Variants in CDHR1 observed in about 807,000 individuals in gnomAD.
CDHR1 encodes cadherin-related family member 1.
CDHR1 carries 61 observed loss-of-function variants against 72.1 expected under a neutral mutation model. That is an observed-to-expected ratio of 0.85 (90% confidence interval 0.69 to 1.05). CDHR1 has a LOEUF of 1.05. CDHR1 is among the 50% of genes least tolerant of loss of function. The pLI is 0.00. For synonymous variants in CDHR1, 470 were observed against 448.1 expected (o/e 1.05, Z -0.62); for missense variants, 1,186 against 1,115.7 (o/e 1.06, Z -0.90).
rs1842459511 is a variant in CDHR1, at chr10:84,218,361, C to T, written c.*3740C>T. On this transcript the variant is annotated 3_prime_UTR_variant, in exon 17 of 17. Coordinates refer to ENST00000623527, the MANE Select transcript of CDHR1 (RefSeq NM_033100.4). ...CGGTTTGATGTTATAAAATCGTGCA[C>T]ATGTACCCCTTTTGAGGCCTGAATG... The T allele has an allele frequency of 4.1e-6, 4 of 985,312 alleles. No homozygotes were observed. The highest frequency in any genetic ancestry group is 1.2e-4 in the Admixed American group (2 of 16,270). The allele number at this position is 985,312 out of a possible 1,614,324, so 61.0% of individuals were successfully genotyped here.
intron 12 of CDHR1, among the ~76,000 whole-genome samples, chr10:84,209,269 A>C (rs1309398586): frequency 6.6e-6 from 1 of 152,228 alleles, no homozygotes; most frequent in African/African-American, 2.4e-5. Context: ...TATCATTTGT[A>C]ATTATGTAAA....
At position 84,216,895 on chromosome 10, in the gene CDHR1, A is replaced by G; in HGVS notation, c.*2274A>G. 7.1e-6 allele frequency: 7 copies of G among 985,486 alleles called. No individual in the cohort carries two copies. The highest frequency in any genetic ancestry group is 8.4e-6 in the Non-Finnish European group (7 of 829,960). The allele number at this position is 985,486 out of a possible 1,614,324, so 61.0% of individuals were successfully genotyped here. Reference sequence around the variant, plus strand: ...CCTAGGGTGGGCATGAAAGCTTGGGAAGCACTGTCGTCTCTCAGACAGGCG... The same window carrying G: ...CCTAGGGTGGGCATGAAAGCTTGGGGAGCACTGTCGTCTCTCAGACAGGCG... On this transcript the variant is annotated 3_prime_UTR_variant, in exon 17 of 17. Transcript: ENST00000623527.
chr10:84,203,013 G>C lies in CDHR1; in HGVS notation c.673G>C (p.Val225Leu), dbSNP rs1413854773. 11 of 1,614,086 alleles carry C rather than the reference G, an allele frequency of 6.8e-6. No homozygotes were observed. The South Asian group carries it at 1.1e-4, about 16-fold the overall frequency. ...GGGRLHGADVVFSATTTVTVN... is the reference protein window; with the variant it reads ...GGGRLHGADVLFSATTTVTVN... The stretch of plus-strand genomic sequence containing the variant: ...TGGGAGGCTTCATGGGGCTGATGTG[G>C]TGTTCTCAGCCACCACCACGGTCAC... The change falls in exon 8 of 17, where the codon GTG becomes CTG. Residue 225 changes from valine to leucine, a missense_variant. Val to Leu is a conservative substitution (Grantham distance 32, BLOSUM62 1). Transcript: ENST00000623527.
At chr10:84,210,835 C>T (rs1046152944) in intron 12 of CDHR1, among the ~76,000 whole-genome samples, 166 bp from the exon 13 acceptor site, 20 of 152,130 alleles carry the variant, frequency 1.3e-4, no homozygotes, top group African/African-American at 4.8e-4. Flanking sequence ...GGGGAAGATG[C>T]CAGGCCTTAG....
Position 84,194,552 on chromosome 10 carries a change from C to A in CDHR1, c.-209C>A, listed in dbSNP as rs1227638495. 1 of 456,400 alleles carries A rather than the reference C, an allele frequency of 2.2e-6. No homozygotes were observed. Among genetic ancestry groups the A allele is most frequent in the East Asian group, 3.8e-5 (1 of 26,582 alleles). The allele number at this position is 456,400 out of a possible 1,614,324, so 28.3% of individuals were successfully genotyped here. On this transcript the variant is annotated 5_prime_UTR_variant, in exon 1 of 17. Coordinates refer to ENST00000623527, the MANE Select transcript of CDHR1 (RefSeq NM_033100.4). ...GCTCTGCGCCGCTAATTGGTCTCGT[C>A]AGGCGGCCGGCAGGAGCAGATCCGA...
At chr10:84,204,646 T>A in intron 9 of CDHR1, 41 bp downstream of exon 9, 1 of 1,392,042 alleles carries the variant, frequency 7.2e-7, no homozygotes, top group South Asian at 1.2e-5. Flanking sequence ...TTTGACTCTC[T>A]AGGTGACCAG....
At chr10:84,211,794 G>A in intron 14 of CDHR1, 79 bp downstream of exon 14, 2 of 1,237,120 alleles carry the variant, frequency 1.6e-6, no homozygotes, top group South Asian at 1.2e-5. Flanking sequence ...CTGTGGCAGA[G>A]GCAGGAGGGG....
chr10:84,194,921 G>C, intron 1 of CDHR1, 106 bp downstream of exon 1: 1 of 1,091,862 alleles, frequency 9.2e-7, no homozygotes, highest in Non-Finnish European at 1.3e-6. Flanking sequence ...TTCCAGAGTG[G>C]GACTCGGGCT....
At position 84,217,755 on chromosome 10, in the gene CDHR1, T is replaced by C. The variant is rs1202916363; in HGVS notation, c.*3134T>C. On this transcript the variant is annotated 3_prime_UTR_variant, in exon 17 of 17. Coordinates refer to ENST00000623527, the MANE Select transcript of CDHR1 (RefSeq NM_033100.4). The stretch of plus-strand genomic sequence containing the variant: ...TGTAGGTCCAGAAGCTTTTACTTCA[T>C]GCTAGAAAAAGAGAAGAGAGTGGAT... 4 of 985,226 alleles carry C rather than the reference T, an allele frequency of 4.1e-6. No homozygotes were observed. Among genetic ancestry groups the C allele is most frequent in the Non-Finnish European group, 3.6e-6 (3 of 829,950 alleles). 61.0% of individuals were successfully genotyped at this position (985,226 alleles called of 1,614,324 possible).
Position 84,214,617 on chromosome 10 carries a change from T to A in CDHR1, c.2576T>A (p.Phe859Tyr). ...AAGAGTGTGCACAACAAGGCTTACT[T>A]CTAGTGTATGCCCTATGACCCCCCA... ...EKKSVHNKAY[F>Y] Residue 859 changes from phenylalanine to tyrosine, a missense_variant, in exon 17 of 17, where the codon TTC becomes TAC. Coordinates refer to ENST00000623527, the MANE Select transcript of CDHR1 (RefSeq NM_033100.4). The A allele has an allele frequency of 6.3e-7, 1 of 1,599,720 alleles. No individual in the cohort carries two copies.
Position 84,203,136 on chromosome 10 carries a change from C to T in CDHR1, c.783+13C>T. The stretch of plus-strand genomic sequence containing the variant: ...GGACACCCTTCCGGTGGGTGGCTGT[C>T]CCCCTCAGCCAGCGATCCCTCCAAA... On this transcript the variant is annotated intron_variant, in intron 8 of 16. Transcript: ENST00000623527. The T allele has an allele frequency of 1.2e-6, 2 of 1,614,080 alleles. No homozygotes were observed.
Position 84,208,352 on chromosome 10 carries a change from A to G in CDHR1, c.1142A>G (p.Lys381Arg), listed in dbSNP as rs2132820902. ...CAGGGAGAGATCCTGCGGGGCCTCA[A>G]GATCACCGTCAATGACTCCGACCAG... ...PPQGEILRGLKITVNDSDQGA... is the reference protein window; with the variant it reads ...PPQGEILRGLRITVNDSDQGA... Residue 381 changes from lysine (K) to arginine (R), a missense_variant, in exon 11 of 17, where the codon AAG (lysine) becomes AGG (arginine). Lys to Arg is a conservative substitution (Grantham distance 26). Coordinates refer to ENST00000623527, the MANE Select transcript of CDHR1 (RefSeq NM_033100.4). 6.2e-7 allele frequency: 1 copy of G among 1,614,158 alleles called. No individual in the cohort carries two copies. Among genetic ancestry groups the G allele is most frequent in the East Asian group, 2.2e-5 (1 of 44,866 alleles).
At chr10:84,219,153 G>T, downstream of CDHR1, 1 of 1,547,950 alleles carries the variant, frequency 6.5e-7, no homozygotes, top group Non-Finnish European at 8.7e-7. Context: ...CAAAATTTAA[G>T]CCCAAGAAAC....
chr10:84,210,038 G>A (rs560744910), intron 12 of CDHR1, among the ~76,000 whole-genome samples: 7 of 152,076 alleles, frequency 4.6e-5, no homozygotes, highest in Non-Finnish European at 8.8e-5. Flanking sequence ...TGGGCAACAC[G>A]GCAAAAGCCC....
chr10:84,215,977 AC>A lies in CDHR1; in HGVS notation c.*1357del, dbSNP rs1554858504. 1.0e-6 allele frequency: 1 copy of A among 985,214 alleles called. No individual in the cohort carries two copies. The allele number at this position is 985,214 out of a possible 1,614,324, so 61.0% of individuals were successfully genotyped here. On this transcript the variant is annotated 3_prime_UTR_variant, in exon 17 of 17. Transcript: ENST00000623527. ...GAGGGAATGCTTTGCTTGAGGCCAC[AC>A]AGCAGGTTGGTAGCAAAGATCTTGT...
rs140328843 is a variant in CDHR1 at position 84,202,183 on chromosome 10, G to T, written c.639+263G>T. 9.2e-5 allele frequency among the ~76,000 whole-genome samples: 14 copies of T among 152,296 alleles called. No homozygotes were observed. The Middle Eastern group carries it at 0.017, about 185-fold the overall frequency. On this transcript the variant is annotated intron_variant, in intron 7 of 16. Coordinates refer to ENST00000623527, the MANE Select transcript of CDHR1 (RefSeq NM_033100.4). ...GTAAGACCAGGTGGGATGGCCAAGA[G>T]AATGGCATCCCCCTCAGATCCTCAA... is the stretch of plus-strand genomic sequence containing the variant.
chr10:84,206,723 G>A (rs1842232885), intron 10 of CDHR1, among the ~76,000 whole-genome samples: 1 of 152,092 alleles, frequency 6.6e-6, no homozygotes, highest in Admixed American at 6.5e-5. Flanking sequence ...GTGTGTTTGG[G>A]GCAAACCCAG....
intron 10 of CDHR1, among the ~76,000 whole-genome samples, chr10:84,207,909 C>A (rs1842255896): frequency 6.6e-6 from 1 of 152,164 alleles, no homozygotes; most frequent in Non-Finnish European, 1.5e-5. Context: ...GGCTAGAGGT[C>A]ACCATTAGTC....
chr10:84,217,143 C>T lies in CDHR1; in HGVS notation c.*2522C>T. The T allele has an allele frequency of 1.0e-6, 1 of 985,554 alleles. No homozygotes were observed. Among genetic ancestry groups the T allele is most frequent in the Non-Finnish European group, 1.2e-6 (1 of 830,054 alleles). 61.1% of individuals were successfully genotyped at this position (985,554 alleles called of 1,614,324 possible). The stretch of plus-strand genomic sequence containing the variant: ...AAGTGTTGTCAGCACTGGAGGAGAC[C>T]CCGCCAGTGGGGTGAGGCCAGCCAA... On this transcript the variant is annotated 3_prime_UTR_variant, in exon 17 of 17. Transcript: ENST00000623527.
Sources: allele counts gnomAD v4.1 joint callset (sites outside exome capture counted in the v4.1 genomes callset), GRCh38; gene constraint gnomAD v4.1.1; transcripts MANE v1.5; gene names NCBI Gene and HGNC (gene_info 2026-07-23, HGNC 2026-07-21).